The following MCEE variants were observed in gnomAD, a reference collection of about 807,000 sequenced individuals.
The protein encoded by MCEE is methylmalonyl-CoA epimerase.
In MCEE, 6 loss-of-function variants were observed where a neutral mutation model predicts 12.9. That is an observed-to-expected ratio of 0.47 (90% CI 0.26 to 0.92). The LOEUF (loss-of-function observed/expected upper bound fraction) is 0.92. MCEE is among the 40% of genes least tolerant of loss of function. The pLI is 0.16. For missense variants in MCEE, 214 were observed against 212.1 expected, an observed-to-expected ratio of 1.01 and a Z score of -0.05; for synonymous variants, 78 against 77.9, an observed-to-expected ratio of 1.00 and a Z score of -0.01.
chr2:71,123,791 AAG>A (rs936097824), intron 2 of MCEE, among the ~76,000 whole-genome samples: 1 of 152,208 alleles, frequency 6.6e-6, no homozygotes, highest in African/African-American at 2.4e-5. Flanking sequence ...TAGCATTTTA[AAG>A]AGAGAAAAGA....
chr2:71,114,832 C>T (rs1672958894), intron 2 of MCEE, among the ~76,000 whole-genome samples: 2 of 152,114 alleles, frequency 1.3e-5, no homozygotes, highest in Non-Finnish European at 2.9e-5. Context: ...GTAGCAAGAG[C>T]TTGAAAACTG....
At chr2:71,121,604 A>G (rs529304221) in intron 2 of MCEE, among the ~76,000 whole-genome samples, 1 of 152,144 alleles carries the variant, frequency 6.6e-6, no homozygotes, top group Admixed American at 6.5e-5. Flanking sequence ...AACTTCCACT[A>G]TTCCTTACTT....
intron 2 of MCEE, among the ~76,000 whole-genome samples, chr2:71,122,859 T>C (rs1673126350): frequency 6.6e-6 from 1 of 152,238 alleles, no homozygotes; most frequent in Non-Finnish European, 1.5e-5. Flanking sequence ...CTGAAATAAC[T>C]TTCTCCTTTT....
At chr2:71,125,211 A>ATATATATATATATATATT in intron 1 of MCEE, among the ~76,000 whole-genome samples, 1 of 48,594 alleles carries the variant, frequency 2.1e-5, no homozygotes. Context: ...ATATATATAT[A>ATATATATATATATATATT]TTTTTTTTTT....
Position 71,119,772 on chromosome 2 carries a change from G to A in MCEE, c.378+4434C>T, listed in dbSNP as rs534826991. On this transcript the variant is annotated intron_variant, in intron 2 of 2. Transcript: ENST00000244217. The stretch of plus-strand genomic sequence containing the variant: ...AGATACTAATCAGATAGAATTGTGC[G>A]GCTGAGCATGGTGGTTCATGCCTGT... Among the ~76,000 whole-genome samples the A allele has an allele frequency of 4.0e-5, 6 of 150,286 alleles. No individual in the cohort carries two copies. In the East Asian group the frequency reaches 5.8e-4, roughly 15 times the overall value.
chr2:71,124,922 C>T (rs999644683), intron 1 of MCEE, among the ~76,000 whole-genome samples: 1 of 151,904 alleles, frequency 6.6e-6, no homozygotes, highest in Non-Finnish European at 1.5e-5. Flanking sequence ...ATTTCTCTAC[C>T]TGTACCCAAT....
At chr2:71,115,897 C>T (rs767533827) in intron 2 of MCEE, among the ~76,000 whole-genome samples, 1 of 149,220 alleles carries the variant, frequency 6.7e-6, no homozygotes, top group South Asian at 2.1e-4. Flanking sequence ...ACCACTATGG[C>T]ACATGTGTAC....
chr2:71,127,668 C>A (rs1456257108), intron 1 of MCEE, among the ~76,000 whole-genome samples: 1 of 152,156 alleles, frequency 6.6e-6, no homozygotes, highest in African/African-American at 2.4e-5. Flanking sequence ...GCTCTGTAGC[C>A]CAGGCTGGAG....
chr2:71,126,823 T>C (rs1257332022), intron 1 of MCEE, among the ~76,000 whole-genome samples: 2 of 152,208 alleles, frequency 1.3e-5, no homozygotes, highest in East Asian at 1.9e-4. Context: ...CTTTAAGGTA[T>C]ACAATGTGAT....
At chr2:71,124,054 G>A (rs1673158699) in intron 2 of MCEE, 152 bp downstream of exon 2, 1 of 633,214 alleles carries the variant, frequency 1.6e-6, no homozygotes, top group East Asian at 2.7e-5. Flanking sequence ...ATGTATGTAA[G>A]GATCCACCTT....
chr2:71,115,792 A>G lies in MCEE; in HGVS notation c.379-5670T>C, dbSNP rs1385740941. ...GAGAACACATGGACACAGGGTGGGG[A>G]GTCATATACCGGGGCCTGTTGGGGG... On this transcript the variant is annotated intron_variant, in intron 2 of 2. Transcript: ENST00000244217. Among the ~76,000 whole-genome samples, 29 of 96,624 alleles carry G rather than the reference A, an allele frequency of 3.0e-4. No homozygotes were observed. In the East Asian group the frequency reaches 9.1e-3, roughly 30 times the overall value. The allele number at this position is 96,624 out of a possible 152,430, so 63.4% of individuals were successfully genotyped here. A position where few individuals can be genotyped will look rare whatever the true frequency, so the allele number is the denominator to read the frequency against.
intron 1 of MCEE, among the ~76,000 whole-genome samples, chr2:71,125,921 T>G (rs774162827): frequency 1.3e-5 from 2 of 152,296 alleles, no homozygotes; most frequent in South Asian, 4.1e-4. Flanking sequence ...TATACATAAA[T>G]GTACAATTGA....
intron 2 of MCEE, among the ~76,000 whole-genome samples, chr2:71,120,890 G>A (rs563373431): frequency 5.9e-5 from 9 of 152,054 alleles, no homozygotes; most frequent in Admixed American, 1.3e-4. Context: ...GGTGTGCGCC[G>A]CCACGTCCAG....
At chr2:71,124,647 T>TAC in intron 1 of MCEE, 104 bp from the exon 2 acceptor site, 1 of 865,122 alleles carries the variant, frequency 1.2e-6, no homozygotes, top group Non-Finnish European at 1.9e-6. Context: ...ATTCATTATT[T>TAC]ATATATCTGT....
intron 2 of MCEE, among the ~76,000 whole-genome samples, chr2:71,118,753 G>A (rs908779918): frequency 2.0e-5 from 3 of 150,124 alleles, no homozygotes; most frequent in African/African-American, 7.6e-5. Context: ...TCACTTTGGG[G>A]TTATGATTTC....
chr2:71,110,233 CTGTG>C, intron 2 of MCEE, 111 bp from the exon 3 acceptor site: 2 of 880,020 alleles, frequency 2.3e-6, no homozygotes, highest in South Asian at 1.4e-5. Context: ...TCTCCTCTGC[CTGTG>C]GGCAGGACCA....
intron 2 of MCEE, among the ~76,000 whole-genome samples, chr2:71,116,544 A>G (rs1191005261): frequency 7.1e-6 from 1 of 141,236 alleles, no homozygotes; most frequent in Non-Finnish European, 1.5e-5. Flanking sequence ...ATCAGAATTC[A>G]AAACTTTTTT....
chr2:71,110,697 C>T lies in MCEE; in HGVS notation c.379-575G>A, dbSNP rs4852759. The T allele has an allele frequency of 0.86, 130,947 of 152,940 alleles. 56,314 individuals are homozygous for T. The highest frequency in any genetic ancestry group is 1 in the East Asian group (5,187 of 5,194). 9.5% of individuals were successfully genotyped at this position (152,940 alleles called of 1,614,324 possible). A position where few individuals can be genotyped will look rare whatever the true frequency, so the allele number is the denominator to read the frequency against. ...ATTGCCATCAAAATGTTATTCCCCA[C>T]CCAAAAAAATTTCAAACTTTAATGT... is the stretch of plus-strand genomic sequence containing the variant. On this transcript the variant is annotated intron_variant, in intron 2 of 2. Coordinates refer to ENST00000244217, the MANE Select transcript of MCEE (RefSeq NM_032601.4).
chr2:71,122,506 G>A (rs1388898634), intron 2 of MCEE, among the ~76,000 whole-genome samples: 2 of 152,172 alleles, frequency 1.3e-5, no homozygotes, highest in African/African-American at 2.4e-5. Flanking sequence ...ACAGTTCCAC[G>A]TGGCTGGGGA....
Sources: gnomAD v4.1 joint callset for allele counts (sites outside exome capture counted in the v4.1 genomes callset) on GRCh38, gnomAD v4.1.1 for gene constraint, MANE v1.5 for transcripts, NCBI Gene and HGNC (gene_info 2026-07-23, HGNC 2026-07-21) for gene names.